Variants in ZNF280D observed in about 807,000 individuals in gnomAD.
ZNF280D encodes suppressor of hairy wing homolog 4.
In ZNF280D, 39 loss-of-function variants were observed where a neutral mutation model predicts 94.7. That is an observed-to-expected ratio of 0.41 (90% CI 0.32 to 0.54). ZNF280D has a LOEUF of 0.54. ZNF280D is among the 20% of genes least tolerant of loss of function. The pLI is 0.22. For missense variants in ZNF280D, 1,090 were observed against 1,149.3 expected, an observed-to-expected ratio of 0.95 and a Z score of 0.75; for synonymous variants, 398 against 377.6, an observed-to-expected ratio of 1.05 and a Z score of -0.63.
intron 16 of ZNF280D, among the ~76,000 whole-genome samples, chr15:56,661,523 T>C (rs1410089223): frequency 1.3e-5 from 2 of 152,212 alleles, no homozygotes; most frequent in African/African-American, 2.4e-5. Flanking sequence ...CAGACCTTTT[T>C]AAAATTCAGT....
chr15:56,731,604 C>T (rs1265697453), intron 1 of ZNF280D, among the ~76,000 whole-genome samples: 1 of 149,060 alleles, frequency 6.7e-6, no homozygotes, highest in African/African-American at 2.5e-5. Flanking sequence ...AAGGAATATT[C>T]TTCACTTTCT....
chr15:56,693,555 T>G (rs2056548820), intron 6 of ZNF280D, among the ~76,000 whole-genome samples: 1 of 151,964 alleles, frequency 6.6e-6, no homozygotes, highest in African/African-American at 2.4e-5. Context: ...ATAAATCAAC[T>G]TATATATCAG....
intron 7 of ZNF280D, among the ~76,000 whole-genome samples, chr15:56,692,162 CCT>C (rs758278847): frequency 1.3e-5 from 2 of 151,752 alleles, no homozygotes; most frequent in East Asian, 1.9e-4. Context: ...TTTTTTTCTC[CCT>C]GTTTCTTTTG....
intron 1 of ZNF280D, among the ~76,000 whole-genome samples, chr15:56,731,644 A>G (rs2058896900): frequency 1.3e-5 from 2 of 152,200 alleles, no homozygotes. Context: ...GTTACACAGA[A>G]AAATGGCCTT....
At chr15:56,725,982 T>C (rs1300157162) in intron 1 of ZNF280D, among the ~76,000 whole-genome samples, 1 of 152,130 alleles carries the variant, frequency 6.6e-6, no homozygotes, top group Admixed American at 6.5e-5. Flanking sequence ...ACTGAAATAT[T>C]TTTTGGTGTA....
At chr15:56,655,607 A>G (rs2053502114) in intron 17 of ZNF280D, among the ~76,000 whole-genome samples, 1 of 152,250 alleles carries the variant, frequency 6.6e-6, no homozygotes, top group Non-Finnish European at 1.5e-5. Context: ...GAGTACAGGA[A>G]GAGTTTTTGT....
chr15:56,672,056 C>T (rs1206444677), intron 13 of ZNF280D, among the ~76,000 whole-genome samples: 1 of 152,042 alleles, frequency 6.6e-6, no homozygotes, highest in Non-Finnish European at 1.5e-5. Context: ...GCTGAAGTTG[C>T]TTATCAGCTT....
At chr15:56,656,730 C>T (rs1461205959) in intron 17 of ZNF280D, among the ~76,000 whole-genome samples, 1 of 152,000 alleles carries the variant, frequency 6.6e-6, no homozygotes, top group Non-Finnish European at 1.5e-5. Flanking sequence ...TACTATGTGC[C>T]AGGCACAGAC....
chr15:56,693,779 G>C (rs1443913413), intron 6 of ZNF280D, among the ~76,000 whole-genome samples: 1 of 152,140 alleles, frequency 6.6e-6, no homozygotes, highest in Non-Finnish European at 1.5e-5. Context: ...TTGTGCATCA[G>C]TGTTAAGGAT....
intron 1 of ZNF280D, among the ~76,000 whole-genome samples, chr15:56,710,703 T>G (rs1193100441): frequency 2.6e-5 from 4 of 152,180 alleles, no homozygotes; most frequent in African/African-American, 9.7e-5. Context: ...TCTAAGTGTT[T>G]TAACTATCTG....
Position 56,631,855 on chromosome 15 carries a change from G to C in ZNF280D, c.2583C>G (p.Ile861Met). ...LKMCQSSENIILSDQIKDHNS... is the reference protein window; with the variant it reads ...LKMCQSSENIMLSDQIKDHNS... ...TGTGATCTTTAATCTGATCAGATAA[G>C]ATTATGTTTTCTGAACTTTGGCACA... The change falls in exon 22 of 22, where the codon ATC becomes ATG. Residue 861 changes from isoleucine to methionine, a missense_variant. By Grantham distance (10) the Ile-to-Met change is conservative. This residue lies in a region of ZNF280D where 577 missense variants were observed against 568.8 expected (regional missense o/e 1.01). Coordinates refer to ENST00000267807, the MANE Select transcript of ZNF280D (RefSeq NM_017661.4). The C allele has an allele frequency of 6.2e-7, 1 of 1,613,814 alleles. No homozygotes were observed. The highest frequency in any genetic ancestry group is 1.3e-5 in the African/African-American group (1 of 75,056).
At chr15:56,720,288 C>T (rs1277946538) in intron 1 of ZNF280D, among the ~76,000 whole-genome samples, 1 of 152,178 alleles carries the variant, frequency 6.6e-6, no homozygotes, top group African/African-American at 2.4e-5. Context: ...AAAAAAACTA[C>T]TCATCCATAA....
intron 1 of ZNF280D, among the ~76,000 whole-genome samples, chr15:56,720,881 A>C (rs1177721777): frequency 6.7e-6 from 1 of 148,978 alleles, no homozygotes; most frequent in Non-Finnish European, 1.5e-5. Context: ...AACCACGTTT[A>C]CATCTGGTTC....
chr15:56,669,982 TA>T lies in ZNF280D; in HGVS notation c.1411-1026del. 9.0e-3 allele frequency among the ~76,000 whole-genome samples: 32 copies of T among 3,552 alleles called. 10 individuals are homozygous for T. The highest frequency in any genetic ancestry group is 0.023 in the African/African-American group (29 of 1,286). 2.3% of individuals were successfully genotyped at this position (3,552 alleles called of 152,430 possible). On this transcript the variant is annotated intron_variant, in intron 13 of 21. Transcript: ENST00000267807. ...ATATATTATATATATATAATATATA[TA>T]TTATATATATATATTATATATATAT... is the stretch of plus-strand genomic sequence containing the variant.
chr15:56,700,671 C>A, intron 6 of ZNF280D: 2 of 1,382,070 alleles, frequency 1.4e-6, no homozygotes, highest in Non-Finnish European at 1.9e-6. Flanking sequence ...TAATTTTATT[C>A]ACATTTTGAT....
intron 20 of ZNF280D, among the ~76,000 whole-genome samples, chr15:56,636,052 T>C (rs2052335407): frequency 6.6e-6 from 1 of 152,156 alleles, no homozygotes; most frequent in African/African-American, 2.4e-5. Context: ...CTCAAGCCTG[T>C]AAAATTGATA....
At chr15:56,681,339 C>T (rs1385259402) in intron 10 of ZNF280D, among the ~76,000 whole-genome samples, 2 of 152,126 alleles carry the variant, frequency 1.3e-5, no homozygotes, top group Non-Finnish European at 2.9e-5. Context: ...ATATGCTGTA[C>T]ACACATGCAC....
At chr15:56,727,531 A>G (rs1164479534) in intron 1 of ZNF280D, among the ~76,000 whole-genome samples, 1 of 152,198 alleles carries the variant, frequency 6.6e-6, no homozygotes, top group Non-Finnish European at 1.5e-5. Context: ...GAGGGCACAG[A>G]ACTCTTCCAG....
intron 1 of ZNF280D, among the ~76,000 whole-genome samples, chr15:56,721,367 G>A (rs1039848047): frequency 1.3e-5 from 2 of 152,296 alleles, no homozygotes; most frequent in South Asian, 4.2e-4. Flanking sequence ...CCCTTAACCA[G>A]AGAGTCAGCC....
Sources: gnomAD v4.1 joint callset for allele counts (sites outside exome capture counted in the v4.1 genomes callset) on GRCh38, gnomAD v4.1.1 for gene constraint, gnomAD v4.1.1 regional missense constraint, MANE v1.5 for transcripts, NCBI Gene and HGNC (gene_info 2026-07-23, HGNC 2026-07-21) for gene names.